Variants in STS observed in about 807,000 individuals in gnomAD.
STS encodes the protein steryl-sulfatase.
STS carries 7 observed loss-of-function variants against 26.8 expected under a neutral mutation model. The observed-to-expected ratio is 0.26, with a 90% CI of 0.15 to 0.49. STS has a LOEUF of 0.49. Ranked by LOEUF, STS falls within the 20% of genes least tolerant of loss-of-function variation. The probability of loss-of-function intolerance (pLI) is 0.98; values close to 1 mark genes in which losing one functional copy is unlikely to be tolerated. For synonymous variants in STS, 199 were observed against 189.4 expected, an observed-to-expected ratio of 1.05 and a Z score of -0.42; for missense variants, 434 against 465.6, an observed-to-expected ratio of 0.93 and a Z score of 0.63.
chrX:7,253,680 A>G (rs1020123219), intron 3 of STS, among the ~76,000 whole-genome samples: 7 of 111,153 alleles, frequency 6.3e-5, no homozygotes, highest in African/African-American at 2.3e-4. Context: ...ATCTGGCTTT[A>G]TTCTGGTTGG....
At chrX:7,270,980 TTTC>T (rs746524227) in intron 6 of STS, among the ~76,000 whole-genome samples, 10 of 105,401 alleles carry the variant, frequency 9.5e-5, no homozygotes, top group South Asian at 4.1e-4. Context: ...TGGATGTCTC[TTTC>T]TTCTTCTTCT....
chrX:7,320,055 A>ATATATATATTT (rs780834558), intron 8 of STS, among the ~76,000 whole-genome samples: 1 of 92,683 alleles, frequency 1.1e-5, no homozygotes, highest in Non-Finnish European at 2.1e-5. Context: ...ATATATATTT[A>ATATATATATTT]TATATATATT....
chrX:7,321,347 T>C (rs1221014797), intron 8 of STS, among the ~76,000 whole-genome samples: 1 of 111,663 alleles, frequency 9.0e-6, no homozygotes, highest in Admixed American at 9.5e-5. Context: ...AGCTGTGTGA[T>C]GAGATAATCT....
intron 8 of STS, among the ~76,000 whole-genome samples, chrX:7,323,520 C>G (rs891798323): frequency 1.8e-5 from 2 of 111,522 alleles, no homozygotes; most frequent in Non-Finnish European, 3.8e-5. Context: ...ATAATGGCCT[C>G]TAGCTATACC....
chrX:7,179,314 T>G (rs1172369349), intron 1 of STS, among the ~76,000 whole-genome samples: 1 of 111,058 alleles, frequency 9.0e-6, no homozygotes, highest in African/African-American at 3.3e-5. Flanking sequence ...GGTAACCATC[T>G]TTCTCTAGTC....
intron 7 of STS, among the ~76,000 whole-genome samples, chrX:7,288,978 A>G (rs1195291384): frequency 9.0e-6 from 1 of 111,279 alleles, no homozygotes; most frequent in African/African-American, 3.3e-5. Context: ...AGTGGGCAGC[A>G]ATAATTAGTT....
intron 2 of STS, among the ~76,000 whole-genome samples, chrX:7,235,986 A>G (rs751175023): frequency 2.7e-5 from 3 of 112,008 alleles, no homozygotes; most frequent in African/African-American, 9.7e-5. Context: ...TACAATATAT[A>G]TTTATTGGAA....
intron 1 of STS, among the ~76,000 whole-genome samples, chrX:7,169,870 C>T (rs1933429617): frequency 2.2e-5 from 2 of 92,831 alleles, no homozygotes; most frequent in African/African-American, 8.5e-5. Context: ...CTCATTATAA[C>T]ACATGGGTGG....
At chrX:7,151,519 C>T (rs1456624194) in intron 1 of STS, among the ~76,000 whole-genome samples, 1 of 112,103 alleles carries the variant, frequency 8.9e-6, no homozygotes, top group Non-Finnish European at 1.9e-5. Context: ...GCTTCAGAGG[C>T]ACTGAATATT....
intron 1 of STS, among the ~76,000 whole-genome samples, chrX:7,158,044 T>G (rs1933170460): frequency 8.9e-6 from 1 of 111,816 alleles, no homozygotes; most frequent in African/African-American, 3.3e-5. Context: ...CCCTGCCTCC[T>G]CCCCAGTGGA....
Position 7,353,303 on chromosome X carries a change from C to T in STS, c.*3042C>T, listed in dbSNP as rs965342862. On this transcript the variant is annotated 3_prime_UTR_variant, in exon 11 of 11. Coordinates refer to ENST00000674429, the MANE Select transcript of STS (RefSeq NM_001320752.2). ...AAAGGCCCGATTATTACCCATAAGG[C>T]ACACTCTCTAAGGCCTTTTAAGGGG... 1.8e-5 allele frequency: 2 copies of T among 110,876 alleles called. No homozygotes were observed. Among genetic ancestry groups the T allele is most frequent in the African/African-American group, 6.6e-5 (2 of 30,506 alleles). 9.1% of individuals were successfully genotyped at this position (110,876 alleles called of 1,213,427 possible).
intron 2 of STS, among the ~76,000 whole-genome samples, chrX:7,203,391 G>T (rs1934110557): frequency 8.9e-6 from 1 of 111,870 alleles, no homozygotes; most frequent in Non-Finnish European, 1.9e-5. Context: ...TGTGACAAGG[G>T]ACAGCTGCAC....
In STS at chrX:7,347,902, G is replaced by A. The variant is rs562066716; in HGVS notation, c.1364-1986G>A. Among the ~76,000 whole-genome samples, 41 of 111,733 alleles carry A rather than the reference G, an allele frequency of 3.7e-4. No homozygotes were observed. The South Asian group carries it at 9.4e-3, about 26-fold the overall frequency. On this transcript the variant is annotated intron_variant, in intron 10 of 10. Transcript: ENST00000674429. ...CCTGGAAGAAAGTGTGGGATGAGAC[G>A]AGTGGATGGGAAGCATCTTAAGGTT...
At chrX:7,149,456 T>G (rs1414344363) in intron 1 of STS, among the ~76,000 whole-genome samples, 2 of 111,501 alleles carry the variant, frequency 1.8e-5, no homozygotes, top group East Asian at 5.6e-4. Context: ...TCAATAAAAT[T>G]ATGTGTTCTT....
chrX:7,340,378 A>G (rs776519983), intron 10 of STS, among the ~76,000 whole-genome samples: 2 of 112,205 alleles, frequency 1.8e-5, no homozygotes, highest in East Asian at 5.6e-4. Context: ...CAGGGCATGC[A>G]ATATTTAGCA....
chrX:7,223,186 T>C (rs1921650649), intron 2 of STS, among the ~76,000 whole-genome samples: 1 of 112,097 alleles, frequency 8.9e-6, no homozygotes, highest in Non-Finnish European at 1.9e-5. Context: ...TCTTTGGTAT[T>C]GTGACTAGTG....
chrX:7,184,471 T>C (rs994912147), intron 1 of STS, among the ~76,000 whole-genome samples: 4 of 112,398 alleles, frequency 3.6e-5, no homozygotes, highest in Non-Finnish European at 5.6e-5. Context: ...AGACAGGGGC[T>C]TCTGTAAATC....
Position 7,276,005 on chromosome X carries a change from C to G in STS, c.861C>G (p.Ala287=), listed in dbSNP as rs748070636. The G allele has an allele frequency of 8.3e-7, 1 of 1,206,051 alleles. No homozygotes were observed. The change falls in exon 7 of 11, where the codon GCC becomes GCG. Residue 287 remains alanine (A), a synonymous_variant. Transcript: ENST00000674429. ...LVLSYLHVHT[A]LFSSKDFAGK... Reference sequence around the variant, plus strand: ...TGTCCTACCTCCACGTGCACACAGCCCTGTTCTCCAGCAAAGACTTTGCTG... The same window carrying G: ...TGTCCTACCTCCACGTGCACACAGCGCTGTTCTCCAGCAAAGACTTTGCTG...
At chrX:7,281,641 C>T (rs1412333963) in intron 7 of STS, among the ~76,000 whole-genome samples, 1 of 111,872 alleles carries the variant, frequency 8.9e-6, no homozygotes, top group Non-Finnish European at 1.9e-5. Flanking sequence ...AGGCCTCATT[C>T]GTAAGAGCTC....
Sources: gnomAD v4.1 joint callset for allele counts (sites outside exome capture counted in the v4.1 genomes callset) on GRCh38, gnomAD v4.1.1 for gene constraint, MANE v1.5 for transcripts, NCBI Gene and HGNC (gene_info 2026-07-23, HGNC 2026-07-21) for gene names.